REXO2: variants seen among roughly 807,000 people sequenced by gnomAD.
REXO2 encodes the protein oligoribonuclease, mitochondrial.
Under a neutral mutation model 30.9 loss-of-function variants are expected in REXO2, and 17 were observed. The ratio of observed to expected loss-of-function variants is 0.55; its 90% CI spans 0.38 to 0.82. The LOEUF (loss-of-function observed/expected upper bound fraction) is 0.82, where lower values mean the gene tolerates loss of function less well. Ranked by LOEUF, REXO2 falls within the 40% of genes least tolerant of loss-of-function variation. The pLI is 0.00. For synonymous variants in REXO2, 105 were observed against 99.6 expected (o/e 1.05, Z -0.32); for missense variants, 253 against 293.2 (o/e 0.86, Z 1.00).
intron 2 of REXO2, chr11:114,440,959 C>A (rs546766674): frequency 1.6e-4 from 65 of 410,072 alleles, no homozygotes; most frequent in African/African-American, 1.2e-3. Context: ...TTAACCATGC[C>A]AGAAATTTAC....
chr11:114,446,780 G>C (rs1176630304), intron 5 of REXO2, among the ~76,000 whole-genome samples: 2 of 152,186 alleles, frequency 1.3e-5, no homozygotes, highest in Non-Finnish European at 2.9e-5. Context: ...GGTGGTTCTA[G>C]GGCCTCAAGA....
intron 2 of REXO2, among the ~76,000 whole-genome samples, chr11:114,442,374 T>A (rs1946484688): frequency 1.3e-5 from 2 of 152,100 alleles, no homozygotes; most frequent in South Asian, 4.1e-4. Context: ...TTTAATAGTA[T>A]GAGTATTTTT....
rs767792329 is a variant in REXO2 at position 114,444,605 on chromosome 11, T to A, written c.374T>A (p.Leu125Gln). 4 of 1,611,552 alleles carry A rather than the reference T, an allele frequency of 2.5e-6. No homozygotes were observed. The highest frequency in any genetic ancestry group is 3.4e-6 in the Non-Finnish European group (4 of 1,179,174). ...ITLQQAEYEFLSFVRQQTPPG... is the reference protein window; with the variant it reads ...ITLQQAEYEFQSFVRQQTPPG... ...TTGCAGCAGGCAGAGTATGAATTTCTGTCCTTTGTACGACAGCAGACTCCT... is the reference window on the plus strand; with the variant it reads ...TTGCAGCAGGCAGAGTATGAATTTCAGTCCTTTGTACGACAGCAGACTCCT... The change falls in exon 4 of 7, where the codon CTG becomes CAG. Residue 125 changes from leucine to glutamine, a missense_variant. Leu to Gln is a moderately radical substitution (Grantham distance 113). Coordinates refer to ENST00000265881, the MANE Select transcript of REXO2 (RefSeq NM_015523.4).
intron 5 of REXO2, among the ~76,000 whole-genome samples, chr11:114,447,031 C>T (rs1254958743): frequency 2.7e-5 from 4 of 150,862 alleles, no homozygotes; most frequent in Admixed American, 6.6e-5. Context: ...CTCCGCCTTC[C>T]GGATTCACGC....
At chr11:114,447,968 T>C in intron 6 of REXO2, 89 bp downstream of exon 6, 2 of 967,366 alleles carry the variant, frequency 2.1e-6, no homozygotes, top group Admixed American at 2.3e-5. Context: ...CCCTTAACTC[T>C]TTTTTCTCGG....
chr11:114,441,936 T>G lies in REXO2; in HGVS notation c.231+1197T>G, dbSNP rs1214871165. 8.4e-6 allele frequency: 5 copies of G among 595,848 alleles called. No homozygotes were observed. In the African/African-American group the frequency reaches 9.3e-5, roughly 11 times the overall value. The allele number at this position is 595,848 out of a possible 1,614,324, so 36.9% of individuals were successfully genotyped here. A position where few individuals can be genotyped will look rare whatever the true frequency, so the allele number is the denominator to read the frequency against. ...TTTTTTTCTGTTACTTGGGATTTAT[T>G]GGAGATCAATAGTGAAGAGAAGTGT... On this transcript the variant is annotated intron_variant, in intron 2 of 6. Coordinates refer to ENST00000265881, the MANE Select transcript of REXO2 (RefSeq NM_015523.4).
At chr11:114,441,282 A>G (rs1419188327) in intron 2 of REXO2, among the ~76,000 whole-genome samples, 1 of 152,228 alleles carries the variant, frequency 6.6e-6, no homozygotes, top group Admixed American at 6.5e-5. Context: ...TTTATATCAT[A>G]ACCTTGACTT....
At chr11:114,445,327 G>A (rs1946504860) in intron 4 of REXO2, 1 of 152,210 alleles carries the variant, frequency 6.6e-6, no homozygotes, top group Admixed American at 6.5e-5. Context: ...CATTGCCAGA[G>A]GGAAGTTAAT....
At chr11:114,449,644 AT>A (rs1555030071) in intron 6 of REXO2, among the ~76,000 whole-genome samples, 1 of 152,022 alleles carries the variant, frequency 6.6e-6, no homozygotes, top group Non-Finnish European at 1.5e-5. Context: ...TATTTTACAA[AT>A]TTTTTTGTCA....
At position 114,449,981 on chromosome 11, in the gene REXO2, G is replaced by A; in HGVS notation, c.*6G>A. On this transcript the variant is annotated 3_prime_UTR_variant, in exon 7 of 7. Coordinates refer to ENST00000265881, the MANE Select transcript of REXO2 (RefSeq NM_015523.4). Reference sequence around the variant, plus strand: ...ATGAGAAGACCGTGAGTTGATGCCAGTTATCATGCTGCCACTACATCGTTA... The same window carrying A: ...ATGAGAAGACCGTGAGTTGATGCCAATTATCATGCTGCCACTACATCGTTA... 1 of 1,588,454 alleles carries A rather than the reference G, an allele frequency of 6.3e-7. No homozygotes were observed.
chr11:114,447,303 A>G (rs1218194627), intron 5 of REXO2, among the ~76,000 whole-genome samples: 1 of 152,210 alleles, frequency 6.6e-6, no homozygotes, highest in Non-Finnish European at 1.5e-5. Flanking sequence ...AGGGGCTTGT[A>G]TGATAAAAAT....
At chr11:114,444,516 G>A (rs1035658953) in intron 3 of REXO2, 25 bp from the exon 4 acceptor site, 2 of 1,535,346 alleles carry the variant, frequency 1.3e-6, no homozygotes, top group Non-Finnish European at 1.8e-6. Context: ...GTTTTTGGTG[G>A]GGGGCTGGGG....
At position 114,450,098 on chromosome 11, in the gene REXO2, A is replaced by C; in HGVS notation, c.*123A>C. On this transcript the variant is annotated 3_prime_UTR_variant, in exon 7 of 7. Coordinates refer to ENST00000265881, the MANE Select transcript of REXO2 (RefSeq NM_015523.4). The stretch of plus-strand genomic sequence containing the variant: ...CTTGCATCTCCAGATTGATTACTCA[A>C]GCAGACAGCACACGAAATACTATTT... 1.1e-6 allele frequency: 1 copy of C among 934,154 alleles called. No homozygotes were observed. The highest frequency in any genetic ancestry group is 1.6e-6 in the Non-Finnish European group (1 of 626,414). The allele number at this position is 934,154 out of a possible 1,614,324, so 57.9% of individuals were successfully genotyped here.
At chr11:114,444,514 T>TGG in intron 3 of REXO2, 27 bp from the exon 4 acceptor site, 1 of 1,526,040 alleles carries the variant, frequency 6.6e-7, no homozygotes, top group Non-Finnish European at 9.0e-7. Context: ...GTGTTTTTGG[T>TGG]GGGGGGCTGG....
chr11:114,446,270 C>A (rs1946509587), intron 5 of REXO2, 183 bp downstream of exon 5: 2 of 399,584 alleles, frequency 5.0e-6, no homozygotes, highest in East Asian at 3.7e-5. Context: ...TTGGGAGCAA[C>A]AACGTCAGAC....
At chr11:114,444,252 C>T in intron 3 of REXO2, 1 of 612,668 alleles carries the variant, frequency 1.6e-6, no homozygotes. Context: ...TTGCTGCTCT[C>T]CTGTTAATAG....
intron 4 of REXO2, 32 bp downstream of exon 4, chr11:114,444,684 C>T: frequency 3.6e-6 from 5 of 1,396,058 alleles, no homozygotes; most frequent in Non-Finnish European, 3.9e-6. Context: ...ATCTTATAGT[C>T]TTCCATATGT....
chr11:114,441,975 G>C (rs1285909131), intron 2 of REXO2: 2 of 557,974 alleles, frequency 3.6e-6, no homozygotes, highest in African/African-American at 3.8e-5. Context: ...TATTTTACCA[G>C]TCTAACTTAC....
chr11:114,439,876 C>A (rs900512381), intron 1 of REXO2: 5 of 620,776 alleles, frequency 8.1e-6, no homozygotes, highest in Non-Finnish European at 5.5e-6. Context: ...TGTAGGGCTT[C>A]TTTCCACAAG....
Sources: allele counts gnomAD v4.1 joint callset (sites outside exome capture counted in the v4.1 genomes callset), GRCh38; gene constraint gnomAD v4.1.1; transcripts MANE v1.5; gene names NCBI Gene and HGNC (gene_info 2026-07-23, HGNC 2026-07-21).